Variants in KCNMB2 observed in about 807,000 individuals in gnomAD.
KCNMB2 encodes the protein calcium-activated potassium channel subunit beta-2.
In KCNMB2, 9 loss-of-function variants were observed where a neutral mutation model predicts 24.5. The ratio of observed to expected loss-of-function variants is 0.37; its 90% confidence interval spans 0.22 to 0.64. The LOEUF is 0.64. Among genes scored for constraint, KCNMB2 ranks in the 30% least tolerant of loss-of-function variants. The pLI is 0.63. For missense variants in KCNMB2, 226 were observed against 284.3 expected, an observed-to-expected ratio of 0.79 and a Z score of 1.47; for synonymous variants, 109 against 104.4, an observed-to-expected ratio of 1.04 and a Z score of -0.27.
intron 1 of KCNMB2, among the ~76,000 whole-genome samples, chr3:178,583,512 T>C (rs1034555278): frequency 6.6e-6 from 1 of 152,216 alleles, no homozygotes; most frequent in Non-Finnish European, 1.5e-5. Flanking sequence ...GCTATTTATT[T>C]CAAATTTGAC....
chr3:178,544,124 T>C (rs995458661), intron 1 of KCNMB2, among the ~76,000 whole-genome samples: 1 of 152,150 alleles, frequency 6.6e-6, no homozygotes, highest in African/African-American at 2.4e-5. Context: ...TATAGTATAT[T>C]TCTTAGTGTC....
At chr3:178,678,263 G>C (rs1721140096) in intron 1 of KCNMB2, among the ~76,000 whole-genome samples, 1 of 152,148 alleles carries the variant, frequency 6.6e-6, no homozygotes, top group Non-Finnish European at 1.5e-5. Flanking sequence ...TTAGAACATA[G>C]TTTATTCTTT....
At position 178,669,140 on chromosome 3, in the gene KCNMB2, T is replaced by C. The variant is rs191650958; in HGVS notation, c.-68+132429T>C. On this transcript the variant is annotated intron_variant, in intron 1 of 4. Transcript: ENST00000452583. ...GTAGTGTGTAGGGTGGGTAGTATGA[T>C]AGGAAAAAAGTAAATCACATGGGCT... is the stretch of plus-strand genomic sequence containing the variant. Among the ~76,000 whole-genome samples, 390 of 152,220 alleles carry C rather than the reference T, an allele frequency of 2.6e-3. 5 individuals carry two copies. Among genetic ancestry groups the C allele is most frequent in the African/African-American group, 8.9e-3 (370 of 41,556 alleles).
At chr3:178,686,812 C>CA (rs1721488190) in intron 1 of KCNMB2, among the ~76,000 whole-genome samples, 1 of 152,024 alleles carries the variant, frequency 6.6e-6, no homozygotes, top group East Asian at 1.9e-4. Context: ...CCTGATGAAT[C>CA]AGAGAGTGGT....
At chr3:178,793,845 C>A (rs1312673756) in intron 1 of KCNMB2, among the ~76,000 whole-genome samples, 1 of 152,080 alleles carries the variant, frequency 6.6e-6, no homozygotes, top group Non-Finnish European at 1.5e-5. Flanking sequence ...CACCAAATCA[C>A]CCCTCCCAGT....
chr3:178,563,965 C>T (rs953691240), intron 1 of KCNMB2, among the ~76,000 whole-genome samples: 2 of 152,148 alleles, frequency 1.3e-5, no homozygotes, highest in African/African-American at 4.8e-5. Flanking sequence ...ACTGAGAAGA[C>T]ATCTGCAAAG....
chr3:178,751,573 C>CAAAAAA lies in KCNMB2; in HGVS notation c.-67-55743_-67-55738dup, dbSNP rs61148761. On this transcript the variant is annotated intron_variant, in intron 1 of 4. Coordinates refer to ENST00000452583, the MANE Select transcript of KCNMB2 (RefSeq NM_181361.3). ...CGAGCAACAGTGCGAGACTCCGTCT[C>CAAAAAA]AAAAAAAAAAAAAAAAAAAAAAAAA... 7.8e-4 allele frequency among the ~76,000 whole-genome samples: 37 copies of CAAAAAA among 47,712 alleles called. 1 individual carries two copies. Among genetic ancestry groups the CAAAAAA allele is most frequent in the East Asian group, 3.9e-3 (4 of 1,022 alleles). The allele number at this position is 47,712 out of a possible 152,430, so 31.3% of individuals were successfully genotyped here. A position where few individuals can be genotyped will look rare whatever the true frequency, so the allele number is the denominator to read the frequency against.
At chr3:178,729,241 A>T (rs1166539868) in intron 1 of KCNMB2, 1 of 152,242 alleles carries the variant, frequency 6.6e-6, no homozygotes, top group Non-Finnish European at 1.5e-5. Context: ...GAGTAAGTTA[A>T]TAAGTCAGGC....
chr3:178,577,039 T>A (rs1717020005), intron 1 of KCNMB2, among the ~76,000 whole-genome samples: 1 of 152,072 alleles, frequency 6.6e-6, no homozygotes, highest in Admixed American at 6.5e-5. Context: ...CCCCGGTGCC[T>A]CCTGACTGGG....
intron 1 of KCNMB2, among the ~76,000 whole-genome samples, chr3:178,615,379 C>A (rs1718667995): frequency 6.6e-6 from 1 of 152,204 alleles, no homozygotes; most frequent in Non-Finnish European, 1.5e-5. Flanking sequence ...CCCCCAGGCC[C>A]CAAGTGGGTC....
intron 1 of KCNMB2, among the ~76,000 whole-genome samples, chr3:178,653,083 C>A (rs1720191694): frequency 6.6e-6 from 1 of 152,116 alleles, no homozygotes; most frequent in Admixed American, 6.5e-5. Context: ...AACACCTTTA[C>A]AACATCATCT....
At chr3:178,585,657 T>G (rs1199839506) in intron 1 of KCNMB2, among the ~76,000 whole-genome samples, 1 of 152,230 alleles carries the variant, frequency 6.6e-6, no homozygotes, top group African/African-American at 2.4e-5. Context: ...CTTGCTTTTC[T>G]TCCAGATGTA....
intron 4 of KCNMB2, among the ~76,000 whole-genome samples, chr3:178,829,443 A>G (rs1042709748): frequency 8.5e-5 from 13 of 152,346 alleles, no homozygotes; most frequent in Admixed American, 8.5e-4. Flanking sequence ...CAATAACTTA[A>G]AGGAATTCTT....
intron 1 of KCNMB2, among the ~76,000 whole-genome samples, chr3:178,667,176 T>C (rs1720748535): frequency 6.6e-6 from 1 of 152,086 alleles, no homozygotes. Context: ...ATGAGGTTAT[T>C]AGGATAGGCC....
intron 1 of KCNMB2, among the ~76,000 whole-genome samples, chr3:178,543,155 A>G (rs1280330960): frequency 6.6e-6 from 1 of 152,188 alleles, no homozygotes; most frequent in Non-Finnish European, 1.5e-5. Flanking sequence ...CATTCAATAG[A>G]TGTCATTTAA....
intron 1 of KCNMB2, among the ~76,000 whole-genome samples, chr3:178,548,445 T>C (rs1206470171): frequency 6.6e-6 from 1 of 152,220 alleles, no homozygotes. Flanking sequence ...CAATTTTTGA[T>C]GGCCAGGTGA....
chr3:178,596,291 A>G (rs1404037307), intron 1 of KCNMB2, among the ~76,000 whole-genome samples: 1 of 151,900 alleles, frequency 6.6e-6, no homozygotes, highest in Non-Finnish European at 1.5e-5. Flanking sequence ...AAGAACATAT[A>G]TCATTGATTT....
At chr3:178,823,913 T>A (rs79719383) in intron 2 of KCNMB2, among the ~76,000 whole-genome samples, 39,575 of 151,140 alleles carry the variant, frequency 0.26, 6,923 homozygotes, top group African/African-American at 0.51. Flanking sequence ...TGCCTGAAGC[T>A]AAAAAAAAAT....
chr3:178,551,945 G>T (rs1446709872), intron 1 of KCNMB2, among the ~76,000 whole-genome samples: 1 of 152,140 alleles, frequency 6.6e-6, no homozygotes, highest in Non-Finnish European at 1.5e-5. Flanking sequence ...GTGTGCACAA[G>T]CCCCAGGTGT....
Sources: allele counts gnomAD v4.1 joint callset (sites outside exome capture counted in the v4.1 genomes callset), GRCh38; gene constraint gnomAD v4.1.1; transcripts MANE v1.5; gene names NCBI Gene and HGNC (gene_info 2026-07-23, HGNC 2026-07-21).